The following PKNOX2 variants were observed in gnomAD, a reference collection of about 807,000 sequenced individuals.
The protein encoded by PKNOX2 is homeobox protein PKNOX2.
PKNOX2 carries 14 observed loss-of-function variants against 53.1 expected under a neutral mutation model. The observed-to-expected ratio is 0.26, with a 90% CI of 0.17 to 0.41. The LOEUF (loss-of-function observed/expected upper bound fraction) is 0.41. Ranked by LOEUF, PKNOX2 falls within the 10% of genes least tolerant of loss-of-function variation. PKNOX2 has a pLI of 1.00. For missense variants in PKNOX2, 496 were observed against 602.8 expected, an observed-to-expected ratio of 0.82 and a Z score of 1.85; for synonymous variants, 257 against 242.8, an observed-to-expected ratio of 1.06 and a Z score of -0.54.
chr11:125,365,007 T>G (rs60227784), intron 4 of PKNOX2, among the ~76,000 whole-genome samples: 9,593 of 151,926 alleles, frequency 0.063, 975 homozygotes, highest in African/African-American at 0.21. Context: ...AGAGTTGGGG[T>G]ATTGGAAAGG....
intron 2 of PKNOX2, among the ~76,000 whole-genome samples, chr11:125,313,192 G>C (rs1310376247): frequency 6.6e-6 from 1 of 152,214 alleles, no homozygotes; most frequent in Non-Finnish European, 1.5e-5. Context: ...CCCCAGGTTT[G>C]TTTCTTGAAT....
At chr11:125,404,296 G>A (rs528475668) in intron 7 of PKNOX2, among the ~76,000 whole-genome samples, 1 of 152,224 alleles carries the variant, frequency 6.6e-6, no homozygotes. Context: ...GGCCTTTGCC[G>A]CCAGGCTAGT....
In PKNOX2 at chr11:125,431,434, G is replaced by A; in HGVS notation, c.*42G>A. On this transcript the variant is annotated 3_prime_UTR_variant, in exon 13 of 13. Transcript: ENST00000298282. Reference sequence around the variant, plus strand: ...GCACTGATCACTGAGCAGGAGAGGAGTGTCGCCGGGAGGCCTTCAGGGTGG... The same window carrying A: ...GCACTGATCACTGAGCAGGAGAGGAATGTCGCCGGGAGGCCTTCAGGGTGG... The A allele has an allele frequency of 7.0e-7, 1 of 1,436,694 alleles. No individual in the cohort carries two copies. Among genetic ancestry groups the A allele is most frequent in the South Asian group, 1.3e-5 (1 of 75,754 alleles). 89.0% of individuals were successfully genotyped at this position (1,436,694 alleles called of 1,614,324 possible).
intron 3 of PKNOX2, among the ~76,000 whole-genome samples, chr11:125,341,813 C>T (rs752928930): frequency 3.3e-5 from 5 of 152,372 alleles, no homozygotes; most frequent in East Asian, 1.9e-4. Context: ...TGCTGGGGTG[C>T]GAGTCTGTGT....
chr11:125,258,936 A>G (rs901569620), intron 2 of PKNOX2: 13 of 327,378 alleles, frequency 4.0e-5, no homozygotes, highest in African/African-American at 2.8e-4. Flanking sequence ...AGAAGCCGTG[A>G]AAACAGCAAA....
At chr11:125,199,971 T>C (rs1176614205) in intron 1 of PKNOX2, among the ~76,000 whole-genome samples, 2 of 152,230 alleles carry the variant, frequency 1.3e-5, no homozygotes, top group African/African-American at 4.8e-5. Context: ...TGCAGCCAGA[T>C]CACCTCAGTC....
chr11:125,392,686 T>C (rs1954122121), intron 6 of PKNOX2, among the ~76,000 whole-genome samples: 1 of 152,184 alleles, frequency 6.6e-6, no homozygotes, highest in Non-Finnish European at 1.5e-5. Flanking sequence ...AAAGTAAGTA[T>C]AAATTGGTTA....
At chr11:125,195,883 GCACACACACACACACACACACA>G (rs56021315) in intron 1 of PKNOX2, among the ~76,000 whole-genome samples, 1 of 143,802 alleles carries the variant, frequency 7.0e-6, no homozygotes, top group African/African-American at 2.6e-5. Context: ...ATATGTACAT[GCACACACACACACACACACACA>G]CACACACACA....
intron 2 of PKNOX2, among the ~76,000 whole-genome samples, 173 bp downstream of exon 2, chr11:125,235,288 CAA>C (rs535836620): frequency 1.3e-5 from 2 of 152,206 alleles, no homozygotes; most frequent in Admixed American, 6.5e-5. Flanking sequence ...CTGAATGTGA[CAA>C]AGAGGCCCTG....
At chr11:125,175,802 G>A (rs1955670173) in intron 1 of PKNOX2, among the ~76,000 whole-genome samples, 2 of 152,144 alleles carry the variant, frequency 1.3e-5, no homozygotes, top group African/African-American at 2.4e-5. Context: ...ACCTACTGTC[G>A]GGGCTGTGGG....
chr11:125,400,548 T>C (rs1360468816), intron 7 of PKNOX2, among the ~76,000 whole-genome samples: 2 of 152,200 alleles, frequency 1.3e-5, no homozygotes, highest in Non-Finnish European at 2.9e-5. Flanking sequence ...TCAGCCTTCC[T>C]GGGTGGGCCA....
At position 125,431,437 on chromosome 11, in the gene PKNOX2, TC is replaced by T; in HGVS notation, c.*46del. The stretch of plus-strand genomic sequence containing the variant: ...CTGATCACTGAGCAGGAGAGGAGTG[TC>T]GCCGGGAGGCCTTCAGGGTGGGGGG... On this transcript the variant is annotated 3_prime_UTR_variant, in exon 13 of 13. Coordinates refer to ENST00000298282, the MANE Select transcript of PKNOX2 (RefSeq NM_001382323.2). 1 of 364,776 alleles carries T rather than the reference TC, an allele frequency of 2.7e-6. No homozygotes were observed. Among genetic ancestry groups the T allele is most frequent in the Non-Finnish European group, 4.2e-6 (1 of 240,068 alleles). The allele number at this position is 364,776 out of a possible 1,614,324, so 22.6% of individuals were successfully genotyped here. A position where few individuals can be genotyped will look rare whatever the true frequency, so the allele number is the denominator to read the frequency against.
At chr11:125,392,848 A>T (rs1954134308) in intron 6 of PKNOX2, among the ~76,000 whole-genome samples, 1 of 152,066 alleles carries the variant, frequency 6.6e-6, no homozygotes, top group East Asian at 1.9e-4. Context: ...AGGAATGACG[A>T]TCGTTTTTGT....
At chr11:125,232,819 A>C (rs1249294263) in intron 1 of PKNOX2, among the ~76,000 whole-genome samples, 1 of 151,088 alleles carries the variant, frequency 6.6e-6, no homozygotes, top group African/African-American at 2.5e-5. Context: ...TAAATCAAAT[A>C]ATCCAAGTCT....
intron 2 of PKNOX2, among the ~76,000 whole-genome samples, chr11:125,320,590 A>G (rs898457248): frequency 6.6e-6 from 1 of 151,890 alleles, no homozygotes; most frequent in Non-Finnish European, 1.5e-5. Flanking sequence ...GGCTGCAAGC[A>G]CCTCCTCCCC....
chr11:125,351,372 C>G lies in PKNOX2; in HGVS notation c.67C>G (p.Pro23Ala). The G allele has an allele frequency of 6.2e-7, 1 of 1,604,044 alleles. No homozygotes were observed. The highest frequency in any genetic ancestry group is 8.5e-7 in the Non-Finnish European group (1 of 1,172,558). ...MMATQNVPPP[P>A]YQDSPQMTAT... ...GGCCACGCAGAATGTCCCGCCCCCA[C>G]CCTACCAGGACAGCCCACAGGTGAG... The change falls in exon 4 of 13, where the codon CCC becomes GCC. Residue 23 changes from proline to alanine, a missense_variant. Physicochemically the swap from Pro to Ala is conservative, Grantham distance 27 (BLOSUM62 -1). Around this residue, in one of 5 missense-constraint regions of PKNOX2, gnomAD observed 168 missense variants for 178.4 expected, o/e 0.94. Coordinates refer to ENST00000298282, the MANE Select transcript of PKNOX2 (RefSeq NM_001382323.2).
chr11:125,224,513 GA>G (rs1004572295), intron 1 of PKNOX2, among the ~76,000 whole-genome samples: 7 of 152,234 alleles, frequency 4.6e-5, no homozygotes, highest in African/African-American at 1.2e-4. Context: ...GTGAACTCAG[GA>G]AATCTCCCGC....
chr11:125,429,151 T>C, intron 11 of PKNOX2, 63 bp downstream of exon 11: 1 of 1,472,862 alleles, frequency 6.8e-7, no homozygotes, highest in South Asian at 1.1e-5. Context: ...GGCAGGGGAA[T>C]GCGTAGCAGG....
intron 10 of PKNOX2, among the ~76,000 whole-genome samples, chr11:125,415,937 T>C (rs1955847311): frequency 6.6e-6 from 1 of 152,244 alleles, no homozygotes; most frequent in Non-Finnish European, 1.5e-5. Context: ...AAGGTCTTTT[T>C]CTAATTGTTA....
Sources: gnomAD v4.1 joint callset for allele counts (sites outside exome capture counted in the v4.1 genomes callset) on GRCh38, gnomAD v4.1.1 for gene constraint, gnomAD v4.1.1 regional missense constraint, MANE v1.5 for transcripts, NCBI Gene and HGNC (gene_info 2026-07-23, HGNC 2026-07-21) for gene names.